Variants in ALLC observed in about 807,000 individuals in gnomAD.
ALLC encodes probable inactive allantoicase.
In ALLC, 40 loss-of-function variants were observed where a neutral mutation model predicts 45.0. The observed-to-expected ratio is 0.89, with a 90% CI of 0.69 to 1.16. The LOEUF is 1.16. ALLC is among the 50% of genes most tolerant of loss of function. The pLI, the probability that ALLC is intolerant of heterozygous loss-of-function variation, is 0.00. For synonymous variants in ALLC, 176 were observed against 178.1 expected, an observed-to-expected ratio of 0.99 and a Z score of 0.09; for missense variants, 488 against 493.1, an observed-to-expected ratio of 0.99 and a Z score of 0.10.
the ALLC span, among the ~76,000 whole-genome samples, chr2:3,650,375 G>A: frequency 6.6e-6 from 1 of 152,294 alleles, no homozygotes; most frequent in East Asian, 1.9e-4. Flanking sequence ...CCGGGCTGAT[G>A]GCCCCTGAGT....
the ALLC span, among the ~76,000 whole-genome samples, chr2:3,651,446 G>C: frequency 3.6e-5 from 1 of 27,934 alleles, no homozygotes; most frequent in Non-Finnish European, 1.1e-4. Context: ...TGTGTGTTAG[G>C]AAGGGAGACG....
the ALLC span, among the ~76,000 whole-genome samples, chr2:3,647,558 CTCACCCATCT>C: frequency 6.6e-5 from 10 of 152,014 alleles, no homozygotes; most frequent in African/African-American, 2.2e-4. Flanking sequence ...CTGGGGGTCG[CTCACCCATCT>C]TCTCCTGATG....
At chr2:3,688,666 C>T (rs1667394968) in intron 7 of ALLC, 1 of 167,802 alleles carries the variant, frequency 6.0e-6, no homozygotes. Flanking sequence ...GAGCCTCAGC[C>T]TTCTCCATGG....
chr2:3,654,867 C>T (rs986245567), upstream of ALLC, among the ~76,000 whole-genome samples: 1 of 152,198 alleles, frequency 6.6e-6, no homozygotes, highest in Non-Finnish European at 1.5e-5. Flanking sequence ...TGTTTTCAGG[C>T]GAAGGTTGCC....
the ALLC span, among the ~76,000 whole-genome samples, chr2:3,651,487 G>A: frequency 2.7e-5 from 4 of 150,726 alleles, no homozygotes; most frequent in African/African-American, 9.8e-5. Context: ...CAAAGAGCAG[G>A]CGGGAGCAGG....
the ALLC span, among the ~76,000 whole-genome samples, chr2:3,648,754 C>A: frequency 6.6e-6 from 1 of 152,198 alleles, no homozygotes; most frequent in Non-Finnish European, 1.5e-5. Flanking sequence ...TGTGGGCAGA[C>A]GGCCGCCTCT....
chr2:3,661,921 G>C (rs1666587568), intron 1 of ALLC, among the ~76,000 whole-genome samples: 2 of 152,166 alleles, frequency 1.3e-5, no homozygotes, highest in Non-Finnish European at 2.9e-5. Context: ...TTCCCCCTCA[G>C]AGGCTCTGGG....
intron 2 of ALLC, among the ~76,000 whole-genome samples, chr2:3,672,972 G>A (rs113436010): frequency 6.7e-6 from 1 of 149,170 alleles, no homozygotes; most frequent in African/African-American, 2.5e-5. Flanking sequence ...ACAGATGTAA[G>A]TCCAGACCAG....
At chr2:3,696,424 T>A in intron 9 of ALLC, 76 bp downstream of exon 9, 1 of 1,295,960 alleles carries the variant, frequency 7.7e-7, no homozygotes. Context: ...TTAAATAAAC[T>A]TTTGCACATT....
rs547904357 is a variant in ALLC, at chr2:3,680,867, T to C, written c.299-767T>C. On this transcript the variant is annotated intron_variant, in intron 5 of 11. Coordinates refer to ENST00000252505, the MANE Select transcript of ALLC (RefSeq NM_018436.4). This position sits in a 1 kb window ranked among gnomAD's most constrained non-coding sequence, Gnocchi z 4.0. ...TTGGAAGCAGGACGTGTTCACAGGA[T>C]TGAGGCTAATCAGACATTGACATGG... Among the ~76,000 whole-genome samples, 4 of 152,312 alleles carry C rather than the reference T, an allele frequency of 2.6e-5. No homozygotes were observed. In the South Asian group the frequency reaches 8.3e-4, roughly 32 times the overall value.
At chr2:3,678,878 G>T (rs1172477109) in intron 4 of ALLC, among the ~76,000 whole-genome samples, 1 of 152,144 alleles carries the variant, frequency 6.6e-6, no homozygotes, top group Non-Finnish European at 1.5e-5. Flanking sequence ...CATCTTCTGG[G>T]TCCTTACTAC....
chr2:3,689,447 T>A (rs1180850534), intron 7 of ALLC, among the ~76,000 whole-genome samples: 2 of 151,194 alleles, frequency 1.3e-5, no homozygotes, highest in Non-Finnish European at 3.0e-5. Context: ...TAAAATTTCC[T>A]TCTTAATTAC....
the ALLC span, among the ~76,000 whole-genome samples, chr2:3,646,520 T>C: frequency 0.081 from 12,339 of 152,194 alleles, 1,611 homozygotes; most frequent in African/African-American, 0.28. Context: ...CGGACCTGAG[T>C]GGTCCCTGGT....
At chr2:3,647,307 ACT>A in the ALLC span, among the ~76,000 whole-genome samples, 10 of 59,046 alleles carry the variant, frequency 1.7e-4, no homozygotes, top group African/African-American at 3.6e-4. Context: ...GCATGCACAC[ACT>A]CACACACACA....
At chr2:3,694,849 T>C (rs1036625990) in intron 7 of ALLC, 1 of 152,232 alleles carries the variant, frequency 6.6e-6, no homozygotes, top group Non-Finnish European at 1.5e-5. Context: ...ATATTAAAAA[T>C]GCTTGGTTTC....
At chr2:3,672,083 GGCTGTGGTTA>G (rs1666891833) in intron 2 of ALLC, among the ~76,000 whole-genome samples, 1 of 113,746 alleles carries the variant, frequency 8.8e-6, no homozygotes, top group South Asian at 2.6e-4. Context: ...GAGGTCCTCT[GGCTGTGGTTA>G]GATCGGAGGT....
chr2:3,671,367 A>G (rs1424631878), intron 2 of ALLC, among the ~76,000 whole-genome samples, 177 bp downstream of exon 2: 2 of 152,252 alleles, frequency 1.3e-5, no homozygotes, highest in African/African-American at 2.4e-5. Context: ...ATTGGTGACA[A>G]TTCTCAGCAA....
At chr2:3,649,937 C>T in the ALLC span, among the ~76,000 whole-genome samples, 7 of 152,280 alleles carry the variant, frequency 4.6e-5, no homozygotes, top group East Asian at 1.9e-4. Flanking sequence ...TGAAACAATT[C>T]GAGGACTTGC....
At chr2:3,671,321 C>A in intron 2 of ALLC, 131 bp downstream of exon 2, 1 of 1,027,040 alleles carries the variant, frequency 9.7e-7, no homozygotes, top group Non-Finnish European at 1.5e-6. Flanking sequence ...CAAGGAAACC[C>A]GTTAGCGAGA....
Sources: gnomAD v4.1 joint callset for allele counts (sites outside exome capture counted in the v4.1 genomes callset) on GRCh38, gnomAD v4.1.1 for gene constraint, Gnocchi (gnomAD v3.1) non-coding constraint, MANE v1.5 for transcripts, NCBI Gene and HGNC (gene_info 2026-07-23, HGNC 2026-07-21) for gene names.